The following SPTB variants were observed in gnomAD, a reference collection of about 807,000 sequenced individuals.
SPTB encodes the protein spectrin beta chain, erythrocytic.
SPTB carries 45 observed loss-of-function variants against 256.2 expected under a neutral mutation model. That is an observed-to-expected ratio of 0.18 (90% CI 0.14 to 0.23). The LOEUF (loss-of-function observed/expected upper bound fraction) is 0.23, where lower values mean the gene tolerates loss of function less well. Among genes scored for constraint, SPTB ranks in the 10% least tolerant of loss-of-function variants. The pLI is 1.00. For missense variants in SPTB, 2,715 were observed against 3,040.4 expected (o/e 0.89, Z 2.52); for synonymous variants, 1,231 against 1,243.1 (o/e 0.99, Z 0.21).
At position 64,753,547 on chromosome 14, in the gene SPTB, C is replaced by T; in HGVS notation, c.6592G>A (p.Ala2198Thr). Residue 2198 changes from alanine (A) to threonine (T), a missense_variant, in exon 33 of 36, where the codon GCT becomes ACT. Ala to Thr is a moderately conservative substitution (Grantham distance 58). This residue lies in a region of SPTB where 2,239 missense variants were observed against 2,384.4 expected (regional missense o/e 0.94). Transcript: ENST00000644917. Reference sequence around the variant, plus strand: ...CTCTCCCGCACTCACCTGTTGGAAGCCTTCTTGTTGGGCCCCTCCAGGTCA... The same window carrying T: ...CTCTCCCGCACTCACCTGTTGGAAGTCTTCTTGTTGGGCCCCTCCAGGTCA... Reference protein sequence around the residue: ...KHDLEGPNKKASNRSWNNLYC... With the variant: ...KHDLEGPNKKTSNRSWNNLYC... 4 of 1,613,526 alleles carry T rather than the reference C, an allele frequency of 2.5e-6. No homozygotes were observed. In the East Asian group the frequency reaches 6.7e-5, roughly 27 times the overall value.
At chr14:64,836,056 C>T (rs2083517749) in intron 1 of SPTB, among the ~76,000 whole-genome samples, 2 of 152,264 alleles carry the variant, frequency 1.3e-5, no homozygotes, top group Middle Eastern at 3.4e-3. Context: ...TTCCAGTTGC[C>T]TTTGTGGTTA....
intron 1 of SPTB, among the ~76,000 whole-genome samples, chr14:64,850,710 G>GT (rs750981402): frequency 2.6e-5 from 4 of 152,240 alleles, no homozygotes; most frequent in African/African-American, 4.8e-5. Flanking sequence ...AAATGGTGCA[G>GT]TAAGTGATGT....
chr14:64,871,197 A>G (rs1882510248), intron 1 of SPTB, among the ~76,000 whole-genome samples: 1 of 152,256 alleles, frequency 6.6e-6, no homozygotes, highest in Admixed American at 6.5e-5. Flanking sequence ...AGTTTGAAGA[A>G]GGGAGAGATT....
At chr14:64,849,270 C>T (rs972695932) in intron 1 of SPTB, among the ~76,000 whole-genome samples, 2 of 152,148 alleles carry the variant, frequency 1.3e-5, no homozygotes, top group Admixed American at 6.5e-5. Context: ...AACCACGGAC[C>T]TGAAAATGAG....
intron 1 of SPTB, among the ~76,000 whole-genome samples, chr14:64,874,615 A>C (rs1450442132): frequency 6.6e-6 from 1 of 152,252 alleles, no homozygotes; most frequent in Admixed American, 6.5e-5. Context: ...TTCTAGAAAC[A>C]GGCTGGGACT....
chr14:64,755,135 G>A (rs567801195), intron 32 of SPTB: 1 of 152,476 alleles, frequency 6.6e-6, no homozygotes, highest in South Asian at 2.1e-4. Flanking sequence ...AGGTCCAGAA[G>A]AGTGCTGGGG....
intron 15 of SPTB, among the ~76,000 whole-genome samples, chr14:64,787,576 C>A (rs1389005636): frequency 1.3e-5 from 2 of 152,128 alleles, no homozygotes; most frequent in African/African-American, 4.8e-5. Context: ...CTAGAGGAAC[C>A]AAGTAAATGC....
At chr14:64,851,698 G>A (rs2083789652) in intron 1 of SPTB, among the ~76,000 whole-genome samples, 1 of 152,182 alleles carries the variant, frequency 6.6e-6, no homozygotes, top group South Asian at 2.1e-4. Context: ...AAAGGAATGA[G>A]ATCATGTCCT....
At chr14:64,814,676 C>A (rs2083156496) in intron 2 of SPTB, among the ~76,000 whole-genome samples, 1 of 152,106 alleles carries the variant, frequency 6.6e-6, no homozygotes, top group Admixed American at 6.5e-5. Flanking sequence ...CCACCACACC[C>A]AGCTAATTTT....
At chr14:64,878,591 C>T (rs190797581) in intron 1 of SPTB, among the ~76,000 whole-genome samples, 1 of 152,248 alleles carries the variant, frequency 6.6e-6, no homozygotes, top group East Asian at 1.9e-4. Context: ...TGAGCTGTGC[C>T]TAAAAATCTT....
intron 15 of SPTB, among the ~76,000 whole-genome samples, chr14:64,789,607 G>C (rs951540724): frequency 5.3e-5 from 8 of 152,044 alleles, no homozygotes; most frequent in Non-Finnish European, 1.0e-4. Flanking sequence ...GTAAGCCAAG[G>C]GCATAGCTAG....
intron 1 of SPTB, among the ~76,000 whole-genome samples, chr14:64,828,370 A>G (rs1490021068): frequency 6.6e-6 from 1 of 152,134 alleles, no homozygotes; most frequent in Non-Finnish European, 1.5e-5. Flanking sequence ...AACAGGTGCT[A>G]CTCAGCTCTG....
rs1019187173 is a variant in SPTB, at chr14:64,802,669, C to T, written c.475-352G>A. Among the ~76,000 whole-genome samples the T allele has an allele frequency of 7.2e-5, 11 of 152,126 alleles. No homozygotes were observed. The highest frequency in any genetic ancestry group is 1.2e-4 in the Non-Finnish European group (8 of 68,026). On this transcript the variant is annotated intron_variant, in intron 4 of 35. Transcript: ENST00000644917. The surrounding 1 kb of genome is among the most constrained non-coding windows in gnomAD (Gnocchi z 5.1). Reference sequence around the variant, plus strand: ...TATTATGTGGCAGCGCTGTGCTAGGCCTGAGGACACACAGAGGTAAAACAA... The same window carrying T: ...TATTATGTGGCAGCGCTGTGCTAGGTCTGAGGACACACAGAGGTAAAACAA...
chr14:64,855,256 C>T (rs1335374056), intron 1 of SPTB, among the ~76,000 whole-genome samples: 1 of 152,208 alleles, frequency 6.6e-6, no homozygotes, highest in Admixed American at 6.5e-5. Flanking sequence ...CATGTGAAGA[C>T]AAAATGTCTA....
intron 1 of SPTB, among the ~76,000 whole-genome samples, chr14:64,858,057 C>A (rs1413203371): frequency 1.3e-5 from 2 of 152,192 alleles, no homozygotes; most frequent in African/African-American, 2.4e-5. Context: ...AAATGAAGAT[C>A]AGAAAGATTA....
At chr14:64,878,773 TC>T (rs907940602) in intron 1 of SPTB, among the ~76,000 whole-genome samples, 1 of 149,976 alleles carries the variant, frequency 6.7e-6, no homozygotes, top group Admixed American at 6.6e-5. Flanking sequence ...TGTCACTATA[TC>T]CCCCCACCCC....
At chr14:64,875,438 T>C (rs1330017014) in intron 1 of SPTB, among the ~76,000 whole-genome samples, 6 of 151,800 alleles carry the variant, frequency 4.0e-5, no homozygotes, top group Non-Finnish European at 8.8e-5. Context: ...CCAAGGGGAG[T>C]TGGCAATCCG....
chr14:64,759,100 A>G lies in SPTB; in HGVS notation c.6346-5307T>C, dbSNP rs142075506. The stretch of plus-strand genomic sequence containing the variant: ...CAGATGAGAAAACTGGGTTCCGGAA[A>G]AGCTCAGTGACGGGCTGAGATTAGA... On this transcript the variant is annotated intron_variant, in intron 32 of 35. Transcript: ENST00000644917. This position sits in a 1 kb window ranked among gnomAD's most constrained non-coding sequence, Gnocchi z 4.8. 3.5e-3 allele frequency among the ~76,000 whole-genome samples: 536 copies of G among 152,292 alleles called. 2 individuals carry two copies. The highest frequency in any genetic ancestry group is 0.012 in the African/African-American group (498 of 41,552).
chr14:64,789,046 G>C (rs1246228399), intron 15 of SPTB, among the ~76,000 whole-genome samples: 2 of 152,106 alleles, frequency 1.3e-5, no homozygotes, highest in East Asian at 3.8e-4. Flanking sequence ...TAGGCACTAG[G>C]GATATGACAA....
Sources: gnomAD v4.1 joint callset for allele counts (sites outside exome capture counted in the v4.1 genomes callset) on GRCh38, gnomAD v4.1.1 for gene constraint, gnomAD v4.1.1 regional missense constraint, Gnocchi (gnomAD v3.1) non-coding constraint, MANE v1.5 for transcripts, NCBI Gene and HGNC (gene_info 2026-07-23, HGNC 2026-07-21) for gene names.